ARHGEF3: variants seen among roughly 807,000 people sequenced by gnomAD.
ARHGEF3 encodes the protein Rho guanine nucleotide exchange factor 3, also known as 59.8 kDA protein.
ARHGEF3 carries 28 observed loss-of-function variants against 63.2 expected under a neutral mutation model. The ratio of observed to expected loss-of-function variants is 0.44; its 90% CI spans 0.33 to 0.61. ARHGEF3 has a LOEUF of 0.61. ARHGEF3 is among the 20% of genes least tolerant of loss of function. The pLI, the probability that ARHGEF3 is intolerant of heterozygous loss-of-function variation, is 0.03. For missense variants in ARHGEF3, 533 were observed against 659.3 expected (o/e 0.81, Z 2.10); for synonymous variants, 266 against 254.2 (o/e 1.05, Z -0.44).
chr3:56,785,184 C>A (rs1410304992), intron 1 of ARHGEF3, among the ~76,000 whole-genome samples: 1 of 152,146 alleles, frequency 6.6e-6, no homozygotes, highest in Non-Finnish European at 1.5e-5. Context: ...TGCTACGAGA[C>A]CATGTATTTT....
intron 1 of ARHGEF3, among the ~76,000 whole-genome samples, chr3:56,783,490 C>T (rs1455369268): frequency 1.3e-5 from 2 of 152,176 alleles, no homozygotes; most frequent in Non-Finnish European, 2.9e-5. Context: ...TCATTACCTT[C>T]ATTCTTCTTG....
chr3:56,741,028 G>C (rs761710892), intron 7 of ARHGEF3, among the ~76,000 whole-genome samples: 1 of 152,136 alleles, frequency 6.6e-6, no homozygotes, highest in Admixed American at 6.5e-5. Flanking sequence ...TTGAAAAACA[G>C]AGACAAAACA....
intron 4 of ARHGEF3, among the ~76,000 whole-genome samples, chr3:56,833,256 C>T (rs1321839377): frequency 6.6e-6 from 1 of 152,140 alleles, no homozygotes; most frequent in Non-Finnish European, 1.5e-5. Context: ...AACACTTCTT[C>T]TTTTTTATTT....
intron 3 of ARHGEF3, among the ~76,000 whole-genome samples, chr3:56,894,896 G>A (rs1393457290): frequency 6.6e-6 from 1 of 152,188 alleles, no homozygotes; most frequent in Non-Finnish European, 1.5e-5. Flanking sequence ...AAGTGATTGG[G>A]ATGAACTTTG....
chr3:57,009,531 C>G (rs1352331642), intron 2 of ARHGEF3, among the ~76,000 whole-genome samples: 1 of 152,088 alleles, frequency 6.6e-6, no homozygotes, highest in African/African-American at 2.4e-5. Flanking sequence ...GTAGCTACAT[C>G]TGCATTTTAT....
intron 3 of ARHGEF3, among the ~76,000 whole-genome samples, chr3:56,956,912 T>C (rs994531462): frequency 2.0e-5 from 3 of 152,244 alleles, no homozygotes; most frequent in South Asian, 2.1e-4. Context: ...AGGGATTTCA[T>C]GATCAATGAC....
intron 2 of ARHGEF3, among the ~76,000 whole-genome samples, chr3:57,010,814 A>G (rs1392464074): frequency 6.6e-6 from 1 of 152,232 alleles, no homozygotes; most frequent in East Asian, 1.9e-4. Flanking sequence ...GCTGTTTTAC[A>G]AAATACACTT....
chr3:56,888,782 A>G (rs560261935), intron 3 of ARHGEF3, among the ~76,000 whole-genome samples: 5 of 152,280 alleles, frequency 3.3e-5, no homozygotes, highest in African/African-American at 9.6e-5. Context: ...GTGCACCTGT[A>G]ATCTCAGCTA....
chr3:56,940,318 A>T (rs1699114094), intron 3 of ARHGEF3: 1 of 152,226 alleles, frequency 6.6e-6, no homozygotes, highest in Non-Finnish European at 1.5e-5. Context: ...CCAAAGTAAA[A>T]GCATATTTTA....
At chr3:56,815,540 T>A (rs995961829) in intron 4 of ARHGEF3, among the ~76,000 whole-genome samples, 1 of 152,168 alleles carries the variant, frequency 6.6e-6, no homozygotes, top group Non-Finnish European at 1.5e-5. Flanking sequence ...GAAATGCATA[T>A]GCATATAGAT....
intron 8 of ARHGEF3, among the ~76,000 whole-genome samples, chr3:56,733,483 A>G (rs1054130364): frequency 6.6e-6 from 1 of 151,754 alleles, no homozygotes; most frequent in Non-Finnish European, 1.5e-5. Context: ...AAAAAAAAAA[A>G]GAAAAAAATT....
chr3:57,059,027 G>A (rs1203184589), intron 1 of ARHGEF3, among the ~76,000 whole-genome samples: 1 of 150,426 alleles, frequency 6.6e-6, no homozygotes, highest in Non-Finnish European at 1.5e-5. Flanking sequence ...AGCATTAGGA[G>A]ATATACCTAA....
intron 2 of ARHGEF3, among the ~76,000 whole-genome samples, chr3:57,006,385 A>C (rs1471822372): frequency 2.0e-5 from 3 of 152,196 alleles, no homozygotes; most frequent in Non-Finnish European, 4.4e-5. Context: ...AAAGTGGCTA[A>C]TGGCTTCCCT....
At chr3:57,075,688 T>C (rs1388862330) in intron 1 of ARHGEF3, among the ~76,000 whole-genome samples, 1 of 152,086 alleles carries the variant, frequency 6.6e-6, no homozygotes, top group Non-Finnish European at 1.5e-5. Context: ...TGCATGCCCA[T>C]AGTCCCAGTT....
chr3:56,856,170 G>A (rs56364617), intron 4 of ARHGEF3, among the ~76,000 whole-genome samples: 12,954 of 152,152 alleles, frequency 0.085, 806 homozygotes, highest in Admixed American at 0.21. Context: ...GGGGGGTGTC[G>A]CCATCAGAAG....
intron 3 of ARHGEF3, chr3:56,916,258 G>A (rs907588180): frequency 1.9e-5 from 29 of 1,523,140 alleles, no homozygotes; most frequent in South Asian, 2.4e-5. Flanking sequence ...CACCCGGCTC[G>A]GGTGGGAGTT....
intron 1 of ARHGEF3, among the ~76,000 whole-genome samples, chr3:57,035,330 T>G (rs2107227733): frequency 6.6e-6 from 1 of 152,250 alleles, no homozygotes; most frequent in South Asian, 2.1e-4. Flanking sequence ...TTATTCAAGT[T>G]TTATCAGGTA....
intron 4 of ARHGEF3, among the ~76,000 whole-genome samples, chr3:56,846,056 C>CCCA (rs1485454274): frequency 6.6e-6 from 1 of 152,210 alleles, no homozygotes; most frequent in African/African-American, 2.4e-5. Context: ...GTCCCTGAGT[C>CCCA]TGGTAACCCA....
At chr3:57,044,099 AC>A (rs1022089095) in intron 1 of ARHGEF3, among the ~76,000 whole-genome samples, 2 of 152,124 alleles carry the variant, frequency 1.3e-5, no homozygotes, top group African/African-American at 4.8e-5. Context: ...CTCCTCCTTC[AC>A]CCAATCACAC....
Sources: gnomAD v4.1 joint callset for allele counts (sites outside exome capture counted in the v4.1 genomes callset) on GRCh38, gnomAD v4.1.1 for gene constraint, MANE v1.5 for transcripts, NCBI Gene and HGNC (gene_info 2026-07-23, HGNC 2026-07-21) for gene names.